SEMA6A: variants seen among roughly 807,000 people sequenced by gnomAD.
SEMA6A encodes semaphorin 6A.
In SEMA6A, 25 loss-of-function variants were observed where a neutral mutation model predicts 96.8. The ratio of observed to expected loss-of-function variants is 0.26; its 90% CI spans 0.19 to 0.36. The LOEUF (loss-of-function observed/expected upper bound fraction) is 0.36. SEMA6A is among the 10% of genes least tolerant of loss of function. The pLI is 1.00. For missense variants in SEMA6A, 1,363 were observed against 1,323.1 expected (o/e 1.03, Z -0.47); for synonymous variants, 612 against 518.0 (o/e 1.18, Z -2.46).
chr5:116,572,696 C>G (rs1374084456), intron 1 of SEMA6A, among the ~76,000 whole-genome samples: 1 of 152,192 alleles, frequency 6.6e-6, no homozygotes, highest in Non-Finnish European at 1.5e-5. Context: ...CCATTCATCC[C>G]TTCCCCGACT....
At chr5:116,465,551 G>T (rs558632023) in intron 18 of SEMA6A, among the ~76,000 whole-genome samples, 1 of 152,166 alleles carries the variant, frequency 6.6e-6, no homozygotes, top group Non-Finnish European at 1.5e-5. Flanking sequence ...AAACACCCAT[G>T]CAGTCACCTC....
At chr5:116,506,211 G>C (rs1299904896) in intron 1 of SEMA6A, among the ~76,000 whole-genome samples, 1 of 152,186 alleles carries the variant, frequency 6.6e-6, no homozygotes, top group Non-Finnish European at 1.5e-5. Context: ...TGCCAAGAAA[G>C]TATTAATCAG....
intron 7 of SEMA6A, 130 bp from the exon 8 acceptor site, chr5:116,489,137 G>C: frequency 9.4e-7 from 1 of 1,060,058 alleles, no homozygotes; most frequent in Non-Finnish European, 1.3e-6. Context: ...AAAAATCCAA[G>C]AGTCGCTGGG....
intron 1 of SEMA6A, among the ~76,000 whole-genome samples, chr5:116,533,979 G>T (rs1443022718): frequency 1.3e-5 from 2 of 152,144 alleles, no homozygotes; most frequent in African/African-American, 2.4e-5. Flanking sequence ...CCCTAAATAT[G>T]CCTGTCTCCC....
intron 3 of SEMA6A, among the ~76,000 whole-genome samples, chr5:116,498,038 A>G (rs1757687264): frequency 6.6e-6 from 1 of 152,168 alleles, no homozygotes; most frequent in Non-Finnish European, 1.5e-5. Flanking sequence ...TTGTCTTTAC[A>G]ATTTGCTGCC....
intron 17 of SEMA6A, 137 bp downstream of exon 17, chr5:116,472,936 C>T: frequency 6.6e-7 from 1 of 1,523,832 alleles, no homozygotes; most frequent in East Asian, 2.5e-5. Flanking sequence ...GTTGAAATGT[C>T]TATAAAAAAA....
At chr5:116,573,787 G>T (rs1264426091) in intron 1 of SEMA6A, among the ~76,000 whole-genome samples, 1 of 151,982 alleles carries the variant, frequency 6.6e-6, no homozygotes, top group African/African-American at 2.4e-5. Flanking sequence ...CGACACACCG[G>T]GCCAGGGAGC....
intron 1 of SEMA6A, among the ~76,000 whole-genome samples, chr5:116,529,498 TCA>T (rs1239391449): frequency 6.6e-6 from 1 of 152,142 alleles, no homozygotes; most frequent in Non-Finnish European, 1.5e-5. Flanking sequence ...TATCAAAATT[TCA>T]CACAGTATCC....
intron 1 of SEMA6A, among the ~76,000 whole-genome samples, chr5:116,538,377 A>T (rs147015930): frequency 6.6e-6 from 1 of 152,076 alleles, no homozygotes; most frequent in East Asian, 1.9e-4. Context: ...TTAATTTCAT[A>T]TTTTTTTTAT....
chr5:116,527,674 ATTCTT>A lies in SEMA6A; in HGVS notation c.-38-22697_-38-22693del, dbSNP rs532274721. On this transcript the variant is annotated intron_variant, in intron 1 of 18. Transcript: ENST00000343348. ...CTAACATATTCTTTGTGGTTCAACA[ATTCTT>A]TTATTTTTTCTTGTCAAACCAGTTG... Among the ~76,000 whole-genome samples, 225 of 152,306 alleles carry A rather than the reference ATTCTT, an allele frequency of 1.5e-3. 1 individual carries two copies. The highest frequency in any genetic ancestry group is 2.1e-3 in the South Asian group (10 of 4,828).
chr5:116,533,870 T>C (rs1276401793), intron 1 of SEMA6A, among the ~76,000 whole-genome samples: 1 of 152,148 alleles, frequency 6.6e-6, no homozygotes, highest in African/African-American at 2.4e-5. Context: ...CTGCCTCTCC[T>C]TCACCTATGC....
At chr5:116,554,841 G>A (rs1480977316) in intron 1 of SEMA6A, 1 of 152,188 alleles carries the variant, frequency 6.6e-6, no homozygotes, top group Non-Finnish European at 1.5e-5. Context: ...AGGAAAGGCA[G>A]GCTTGGGCGT....
chr5:116,513,451 T>A (rs1758514469), intron 1 of SEMA6A, among the ~76,000 whole-genome samples: 1 of 152,122 alleles, frequency 6.6e-6, no homozygotes, highest in Admixed American at 6.5e-5. Context: ...TACCTCTTAA[T>A]CTAAACCTTT....
chr5:116,561,247 AT>A (rs1301591295), intron 1 of SEMA6A, among the ~76,000 whole-genome samples: 1 of 152,216 alleles, frequency 6.6e-6, no homozygotes, highest in African/African-American at 2.4e-5. Flanking sequence ...CACTATATAA[AT>A]AGTCTTTATT....
At chr5:116,475,928 C>T (rs1292347513) in intron 15 of SEMA6A, among the ~76,000 whole-genome samples, 1 of 152,168 alleles carries the variant, frequency 6.6e-6, no homozygotes, top group East Asian at 1.9e-4. Context: ...TGTTAAAATA[C>T]ACGCCTCATA....
chr5:116,477,580 C>T (rs1756518856), intron 15 of SEMA6A, among the ~76,000 whole-genome samples: 1 of 152,198 alleles, frequency 6.6e-6, no homozygotes, highest in South Asian at 2.1e-4. Context: ...TCTTGTCTCT[C>T]TCTCCAGGGA....
At position 116,534,130 on chromosome 5, in the gene SEMA6A, T is replaced by C. The variant is rs187657935; in HGVS notation, c.-38-29148A>G. 6.8e-3 allele frequency among the ~76,000 whole-genome samples: 1,038 copies of C among 152,330 alleles called. 6 individuals carry two copies. Among genetic ancestry groups the C allele is most frequent in the Admixed American group, 0.013 (193 of 15,296 alleles). The stretch of plus-strand genomic sequence containing the variant: ...ATTCATTCTAAAACTATCTTTTTCT[T>C]CCTTCTGTAACTTCACCAAAACTAC... On this transcript the variant is annotated intron_variant, in intron 1 of 18. Coordinates refer to ENST00000343348, the MANE Select transcript of SEMA6A (RefSeq NM_020796.5).
intron 18 of SEMA6A, among the ~76,000 whole-genome samples, chr5:116,458,284 C>T (rs952499370): frequency 1.8e-4 from 27 of 152,330 alleles, no homozygotes; most frequent in African/African-American, 6.5e-4. Flanking sequence ...TTTTTAACCA[C>T]TCCAGATGTT....
intron 1 of SEMA6A, among the ~76,000 whole-genome samples, chr5:116,540,016 T>A (rs1252735314): frequency 6.6e-6 from 1 of 152,166 alleles, no homozygotes; most frequent in Non-Finnish European, 1.5e-5. Context: ...TTCGTTTTCC[T>A]TTCATTGCAA....
Sources: allele counts gnomAD v4.1 joint callset (sites outside exome capture counted in the v4.1 genomes callset), GRCh38; gene constraint gnomAD v4.1.1; transcripts MANE v1.5; gene names NCBI Gene and HGNC (gene_info 2026-07-23, HGNC 2026-07-21).